Variants in TRANK1 observed in about 807,000 individuals in gnomAD.
TRANK1 encodes the protein TPR and ankyrin repeat-containing protein 1.
A neutral mutation model predicts 266.0 loss-of-function variants in TRANK1; 198 were observed. The ratio of observed to expected loss-of-function variants is 0.74; its 90% CI spans 0.66 to 0.84. The LOEUF (loss-of-function observed/expected upper bound fraction) is 0.84, where lower values mean the gene tolerates loss of function less well. TRANK1 is among the 40% of genes least tolerant of loss of function. The pLI is 0.00. For synonymous variants in TRANK1, 1,396 were observed against 1,384.1 expected (o/e 1.01, Z -0.19); for missense variants, 3,326 against 3,634.6 (o/e 0.92, Z 2.18).
intron 15 of TRANK1, chr3:36,850,471 G>A: frequency 1.0e-6 from 1 of 985,346 alleles, no homozygotes; most frequent in Non-Finnish European, 1.2e-6. Flanking sequence ...TAATCTCAGT[G>A]ACCTTCTGCT....
chr3:36,884,127 G>T (rs2125593951), intron 8 of TRANK1, among the ~76,000 whole-genome samples: 1 of 152,292 alleles, frequency 6.6e-6, no homozygotes, highest in Middle Eastern at 3.4e-3. Flanking sequence ...ATGGTGTTTG[G>T]ACTGGAATCA....
At chr3:36,884,028 T>G (rs2079567755) in intron 8 of TRANK1, among the ~76,000 whole-genome samples, 1 of 152,154 alleles carries the variant, frequency 6.6e-6, no homozygotes, top group Non-Finnish European at 1.5e-5. Flanking sequence ...CACAGAGGTA[T>G]TATGGGTTAC....
intron 1 of TRANK1, among the ~76,000 whole-genome samples, chr3:36,911,228 G>A (rs890602534): frequency 2.0e-5 from 3 of 152,080 alleles, no homozygotes; most frequent in African/African-American, 7.2e-5. Context: ...GGTTGAAAAG[G>A]CATATAATCC....
chr3:36,897,737 A>C (rs1279521547), intron 4 of TRANK1, among the ~76,000 whole-genome samples: 1 of 152,228 alleles, frequency 6.6e-6, no homozygotes, highest in African/African-American at 2.4e-5. Flanking sequence ...GTTGTCTTTC[A>C]CTGGCAGAGC....
chr3:36,878,014 A>G lies in TRANK1; in HGVS notation c.908-3718T>C, dbSNP rs148327172. Among the ~76,000 whole-genome samples, 978 of 149,930 alleles carry G rather than the reference A, an allele frequency of 6.5e-3. 28 individuals are homozygous for G. Among genetic ancestry groups the G allele is most frequent in the Admixed American group, 0.058 (870 of 15,000 alleles). ...AGGTAAAGAAAAAACATGCGAGTCAATAGTTTAGATCAGGGGTCCCCAACC... is the reference window on the plus strand; with the variant it reads ...AGGTAAAGAAAAAACATGCGAGTCAGTAGTTTAGATCAGGGGTCCCCAACC... On this transcript the variant is annotated intron_variant, in intron 8 of 23. Coordinates refer to ENST00000645898, the MANE Select transcript of TRANK1 (RefSeq NM_001329998.2).
chr3:36,901,753 G>A (rs185342297), intron 3 of TRANK1, among the ~76,000 whole-genome samples: 11 of 152,296 alleles, frequency 7.2e-5, no homozygotes, highest in Non-Finnish European at 1.5e-4. Context: ...ACTCCCAGGA[G>A]TTCTGGGTAA....
intron 8 of TRANK1, among the ~76,000 whole-genome samples, chr3:36,878,126 C>T (rs1320530495): frequency 2.6e-5 from 4 of 152,170 alleles, no homozygotes; most frequent in African/African-American, 7.2e-5. Flanking sequence ...GCCTGAGCTC[C>T]GCCTCCTGTC....
chr3:36,841,129 C>T (rs1033214807), intron 18 of TRANK1, among the ~76,000 whole-genome samples: 2 of 152,208 alleles, frequency 1.3e-5, no homozygotes, highest in Non-Finnish European at 2.9e-5. Context: ...TTGTCCTCAT[C>T]ACTTCCCAGA....
intron 9 of TRANK1, among the ~76,000 whole-genome samples, chr3:36,871,160 G>A (rs2079303182): frequency 1.3e-5 from 2 of 151,828 alleles, no homozygotes; most frequent in South Asian, 4.2e-4. Flanking sequence ...AGGCGAAGGT[G>A]GGCGATCACC....
intron 15 of TRANK1, among the ~76,000 whole-genome samples, chr3:36,848,165 C>T (rs1254652503): frequency 6.6e-6 from 1 of 152,174 alleles, no homozygotes; most frequent in Non-Finnish European, 1.5e-5. Context: ...CCACAGTCAA[C>T]AAGTAAATGA....
chr3:36,854,405 A>G (rs1260023028), intron 13 of TRANK1, among the ~76,000 whole-genome samples: 1 of 152,150 alleles, frequency 6.6e-6, no homozygotes, highest in South Asian at 2.1e-4. Context: ...ACAACATAAC[A>G]TTAGGCAAAA....
At position 36,829,637 on chromosome 3, in the gene TRANK1, G is replaced by T. The variant is rs1473897106; in HGVS notation, c.8736C>A (p.Val2912=). The change falls in exon 23 of 24, where the codon GTC becomes GTA. Residue 2912 remains valine (V), a synonymous_variant. Transcript: ENST00000645898. ...CCCTGACTGACAGGATCAGAATGTT[G>T]ACCAGCCGAGTCATCGCCTCCTCCG... is the stretch of plus-strand genomic sequence containing the variant. ...AGAEEAMTRL[V]NILILSVRDA... 1 of 1,613,876 alleles carries T rather than the reference G, an allele frequency of 6.2e-7. No homozygotes were observed. The highest frequency in any genetic ancestry group is 1.1e-5 in the South Asian group (1 of 91,068).
chr3:36,874,294 G>T lies in TRANK1; in HGVS notation c.910C>A (p.Gln304Lys), dbSNP rs985655732. 6 of 1,535,960 alleles carry T rather than the reference G, an allele frequency of 3.9e-6. No homozygotes were observed. The highest frequency in any genetic ancestry group is 5.2e-6 in the Non-Finnish European group (6 of 1,146,528). The change falls in exon 9 of 24, where the codon CAA (glutamine) becomes AAA (lysine). Residue 304 changes from glutamine (Q) to lysine (K), a missense_variant and splice_region_variant. Coordinates refer to ENST00000645898, the MANE Select transcript of TRANK1 (RefSeq NM_001329998.2). ...AHSPGYLVKR[Q>K]TEDVQMLLRF... The stretch of plus-strand genomic sequence containing the variant: ...AGGAGCATCTGCACATCCTCTGTTT[G>T]TCCTAGGGCAGGCCAAAATGAGAAG...
At chr3:36,881,106 A>G (rs1289737892) in intron 8 of TRANK1, among the ~76,000 whole-genome samples, 2 of 151,810 alleles carry the variant, frequency 1.3e-5, no homozygotes, top group African/African-American at 4.8e-5. Context: ...CCCCTTTAAA[A>G]TATTTTTTCC....
chr3:36,835,038 G>A, intron 20 of TRANK1, 131 bp from the exon 21 acceptor site: 3 of 1,001,666 alleles, frequency 3.0e-6, no homozygotes, highest in Non-Finnish European at 2.8e-6. Context: ...AAAAACCCTA[G>A]GCCGGGCGTG....
At chr3:36,901,031 T>C (rs1011484231) in intron 3 of TRANK1, among the ~76,000 whole-genome samples, 2 of 151,462 alleles carry the variant, frequency 1.3e-5, no homozygotes, top group South Asian at 4.2e-4. Context: ...GAAAAAAAAG[T>C]GTGTTTCGTT....
chr3:36,870,758 T>G (rs2079295771), intron 9 of TRANK1, among the ~76,000 whole-genome samples: 1 of 152,138 alleles, frequency 6.6e-6, no homozygotes, highest in South Asian at 2.1e-4. Flanking sequence ...TGCATGCTTT[T>G]CTGCCAAGCA....
intron 8 of TRANK1, 149 bp downstream of exon 8, chr3:36,889,680 C>A (rs2125602240): frequency 1.8e-6 from 2 of 1,089,470 alleles, no homozygotes; most frequent in East Asian, 2.8e-5. Flanking sequence ...CCCACCCACC[C>A]ACCAAAATCA....
At chr3:36,931,269 T>A (rs1356335517) in intron 1 of TRANK1, among the ~76,000 whole-genome samples, 1 of 148,966 alleles carries the variant, frequency 6.7e-6, no homozygotes, top group African/African-American at 2.5e-5. Flanking sequence ...TATTAAGTGT[T>A]AAAAAAAAAA....
Sources: gnomAD v4.1 joint callset for allele counts (sites outside exome capture counted in the v4.1 genomes callset) on GRCh38, gnomAD v4.1.1 for gene constraint, MANE v1.5 for transcripts, NCBI Gene and HGNC (gene_info 2026-07-23, HGNC 2026-07-21) for gene names.